The following ZNF320 variants were observed in gnomAD, a reference collection of about 807,000 sequenced individuals.
The protein encoded by ZNF320 is zinc finger protein 320.
In ZNF320, 2 loss-of-function variants were observed where a neutral mutation model predicts 6.8. The ratio of observed to expected loss-of-function variants is 0.29; its 90% CI spans 0.12 to 0.93. ZNF320 has a LOEUF of 0.93. Among genes scored for constraint, ZNF320 ranks in the 40% least tolerant of loss-of-function variants. ZNF320 has a pLI of 0.55. For synonymous variants in ZNF320, 208 were observed against 203.2 expected, an observed-to-expected ratio of 1.02 and a Z score of -0.20; for missense variants, 472 against 611.0, an observed-to-expected ratio of 0.77 and a Z score of 2.40.
chr19:52,880,688 G>T lies in ZNF320; in HGVS notation c.1438C>A (p.Leu480Met). 6.2e-7 allele frequency: 1 copy of T among 1,613,898 alleles called. No homozygotes were observed. The highest frequency in any genetic ancestry group is 2.2e-5 in the East Asian group (1 of 44,876). The change falls in exon 6 of 6, where the codon CTG becomes ATG. Residue 480 changes from leucine (L) to methionine (M), a missense_variant. Around this residue, in one of 2 missense-constraint regions of ZNF320, gnomAD observed 462 missense variants for 559.7 expected, o/e 0.83. Transcript: ENST00000682928. ...TGATGTTCTGCAAGGAGTGACCTCA[G>T]ACTAAAGACCTTGCCACACTGATGA... is the stretch of plus-strand genomic sequence containing the variant. ...KCHQCGKVFS[L>M]RSLLAEHQKI...
chr19:52,867,688 A>G (rs1568695812), intron 5 of ZNF320, among the ~76,000 whole-genome samples: 2 of 150,746 alleles, frequency 1.3e-5, no homozygotes, highest in Non-Finnish European at 3.0e-5. Context: ...CTTGGCTCAC[A>G]GAAACATCCG....
rs1189103625 is a variant in ZNF320, at chr19:52,877,213, G to GACGT, written c.*3382_*3383insACGT. ...GGAGGTCCTGATGACGTGTGTCCAT[G>GACGT]GTGTTGAGGCTGCAGTTTGGTTTCA... On this transcript the variant is annotated 3_prime_UTR_variant, in exon 6 of 6. Coordinates refer to ENST00000682928, the MANE Select transcript of ZNF320 (RefSeq NM_001351774.2). 1 of 152,214 alleles carries GACGT rather than the reference G, an allele frequency of 6.6e-6. No homozygotes were observed. The highest frequency in any genetic ancestry group is 1.5e-5 in the Non-Finnish European group (1 of 68,078). The allele number at this position is 152,214 out of a possible 1,614,324, so 9.4% of individuals were successfully genotyped here.
In ZNF320 at chr19:52,880,900, C is replaced by G; in HGVS notation, c.1226G>C (p.Gly409Ala). The G allele has an allele frequency of 1.9e-6, 3 of 1,613,404 alleles. No homozygotes were observed. The highest frequency in any genetic ancestry group is 2.5e-6 in the Non-Finnish European group (3 of 1,179,456). Residue 409 changes from glycine (G) to alanine (A), a missense_variant, in exon 6 of 6, where the codon GGA (glycine) becomes GCA (alanine). Gly to Ala is a moderately conservative substitution (Grantham distance 60). This residue lies in a region of ZNF320 where 462 missense variants were observed against 559.7 expected (regional missense o/e 0.83). Transcript: ENST00000682928. ...YLACHQKLHT[G>A]EKLYECEECD... ...TTCTTCACATTCGTAAAGTTTCTCT[C>G]CAGTATGAAGTTTTTGATGACATGC... is the stretch of plus-strand genomic sequence containing the variant.
At chr19:52,882,624 G>A (rs558756138) in intron 5 of ZNF320, among the ~76,000 whole-genome samples, 3 of 152,292 alleles carry the variant, frequency 2.0e-5, no homozygotes, top group East Asian at 3.9e-4. Flanking sequence ...TCCAGCCTGG[G>A]TGACAAAGTG....
the ZNF320 span, among the ~76,000 whole-genome samples, chr19:52,904,240 G>A: frequency 6.6e-6 from 1 of 152,230 alleles, no homozygotes; most frequent in East Asian, 1.9e-4. Context: ...ACCCAGGAGC[G>A]CTCTTTGGAT....
chr19:52,872,256 A>G (rs1030876446), downstream of ZNF320, among the ~76,000 whole-genome samples: 1 of 152,234 alleles, frequency 6.6e-6, no homozygotes. Context: ...ACAAAAGCAG[A>G]CACAAAATAT....
intron 5 of ZNF320, 100 bp from the exon 6 acceptor site, chr19:52,882,083 A>G: frequency 8.1e-7 from 1 of 1,235,378 alleles, no homozygotes. Flanking sequence ...CTTATTTTAA[A>G]CTTCCCAAAC....
At chr19:52,888,670 A>T (rs2064185201) in intron 4 of ZNF320, among the ~76,000 whole-genome samples, 1 of 151,776 alleles carries the variant, frequency 6.6e-6, no homozygotes, top group Non-Finnish European at 1.5e-5. Context: ...TACACAAAGC[A>T]CAAAAATCCA....
chr19:52,861,860 G>A, exon 6 of ZNF320: 3 of 384,740 alleles, frequency 7.8e-6, no homozygotes, highest in South Asian at 6.8e-5. Flanking sequence ...TGTCCAGTAG[G>A]GATTCTCTGA....
chr19:52,881,292 A>G lies in ZNF320; in HGVS notation c.834T>C (p.Cys278=). The change falls in exon 6 of 6, where the codon TGT becomes TGC. Residue 278 remains cysteine, a synonymous_variant. Coordinates refer to ENST00000682928, the MANE Select transcript of ZNF320 (RefSeq NM_001351774.2). ...TGEKPYKCNE[C]GKTFARNSVL... is the part of the protein sequence containing the mutation. ...CTGAATTTCGAGCGAAGGTCTTGCC[A>G]CACTCATTACATTTGTAAGGTTTCT... 2 of 1,614,158 alleles carry G rather than the reference A, an allele frequency of 1.2e-6. No homozygotes were observed. The highest frequency in any genetic ancestry group is 1.6e-4 in the Middle Eastern group (1 of 6,062).
chr19:52,898,462 C>T (rs2064536862), upstream of ZNF320, among the ~76,000 whole-genome samples: 1 of 152,146 alleles, frequency 6.6e-6, no homozygotes. Flanking sequence ...CCCCAGAGCT[C>T]CTTCCTCCGC....
chr19:52,862,265 G>GT (rs1186564809), exon 6 of ZNF320: 2 of 686,486 alleles, frequency 2.9e-6, no homozygotes, highest in Non-Finnish European at 4.9e-6. Context: ...CATTACACTT[G>GT]TAAGGTTTCT....
chr19:52,873,289 C>T (rs1179925434), downstream of ZNF320, among the ~76,000 whole-genome samples: 2 of 152,224 alleles, frequency 1.3e-5, no homozygotes, highest in Admixed American at 6.5e-5. Context: ...CTGGACAATA[C>T]CCAGGCTTTC....
intron 2 of ZNF320, among the ~76,000 whole-genome samples, chr19:52,893,122 C>T (rs535783677): frequency 2.0e-5 from 3 of 152,004 alleles, no homozygotes; most frequent in South Asian, 4.2e-4. Context: ...TGCTCTCTCT[C>T]TGTCTCCTGA....
At chr19:52,898,506 C>T (rs1463613313), upstream of ZNF320, among the ~76,000 whole-genome samples, 1 of 152,196 alleles carries the variant, frequency 6.6e-6, no homozygotes, top group Non-Finnish European at 1.5e-5. Flanking sequence ...TTAAAAAAAG[C>T]ATTGACATTG....
intron 2 of ZNF320, among the ~76,000 whole-genome samples, chr19:52,892,699 T>C (rs2064336471): frequency 6.6e-6 from 1 of 152,092 alleles, no homozygotes; most frequent in East Asian, 1.9e-4. Flanking sequence ...CCACCTCTTC[T>C]CCCATCTCTG....
At chr19:52,890,195 T>C in intron 4 of ZNF320, 46 bp downstream of exon 4, 1 of 1,601,470 alleles carries the variant, frequency 6.2e-7, no homozygotes, top group Non-Finnish European at 8.5e-7. Flanking sequence ...CGCCAGCATT[T>C]CTGAAAGGAA....
intron 5 of ZNF320, among the ~76,000 whole-genome samples, chr19:52,870,425 C>T (rs537837192): frequency 6.8e-5 from 10 of 147,970 alleles, no homozygotes; most frequent in Non-Finnish European, 1.3e-4. Flanking sequence ...TTGCAGTGAG[C>T]CAAGATCGGG....
chr19:52,897,867 C>T (rs914102502), upstream of ZNF320, among the ~76,000 whole-genome samples: 1 of 152,050 alleles, frequency 6.6e-6, no homozygotes, highest in Non-Finnish European at 1.5e-5. Flanking sequence ...TATGAGGGGT[C>T]GGCGGGGGCG....
Sources: allele counts gnomAD v4.1 joint callset (sites outside exome capture counted in the v4.1 genomes callset), GRCh38; gene constraint gnomAD v4.1.1; regional missense constraint gnomAD v4.1.1; transcripts MANE v1.5; gene names NCBI Gene and HGNC (gene_info 2026-07-23, HGNC 2026-07-21).